The following GLDC variants were observed in gnomAD, a reference collection of about 807,000 sequenced individuals.
GLDC encodes the protein glycine decarboxylase.
In GLDC, 104 loss-of-function variants were observed where a neutral mutation model predicts 121.3. The ratio of observed to expected loss-of-function variants is 0.86; its 90% CI spans 0.73 to 1.01. The LOEUF (loss-of-function observed/expected upper bound fraction) is 1.01, where lower values mean the gene tolerates loss of function less well. Ranked by LOEUF, GLDC falls within the 50% of genes least tolerant of loss-of-function variation. The probability of loss-of-function intolerance (pLI) is 0.00; values close to 1 mark genes in which losing one functional copy is unlikely to be tolerated. For synonymous variants in GLDC, 546 were observed against 480.6 expected (o/e 1.14, Z -1.78); for missense variants, 1,429 against 1,306.6 (o/e 1.09, Z -1.44).
chr9:6,553,653 A>T, intron 19 of GLDC, 144 bp from the exon 20 acceptor site: 1 of 773,774 alleles, frequency 1.3e-6, no homozygotes, highest in East Asian at 2.6e-5. Flanking sequence ...TGGGAGGCAG[A>T]TGTTCAGGAA....
At chr9:6,572,569 G>A (rs1459028961) in intron 15 of GLDC, among the ~76,000 whole-genome samples, 1 of 152,120 alleles carries the variant, frequency 6.6e-6, no homozygotes, top group Non-Finnish European at 1.5e-5. Context: ...AATAAGACAT[G>A]GAGGTGTGAA....
chr9:6,592,369 T>C (rs1234119972), intron 10 of GLDC, 146 bp from the exon 11 acceptor site: 1 of 698,528 alleles, frequency 1.4e-6, no homozygotes, highest in Non-Finnish European at 2.6e-6. Context: ...ACGCTAAGGC[T>C]TAGAGGAAGG....
intron 2 of GLDC, among the ~76,000 whole-genome samples, chr9:6,644,050 A>AAAAAAACC (rs55988287): frequency 1.1e-5 from 1 of 92,700 alleles, no homozygotes; most frequent in Admixed American, 1.4e-4. Flanking sequence ...AAAAAAAAAA[A>AAAAAAACC]CGAAAAAAAA....
At chr9:6,644,838 C>G (rs72695596) in intron 1 of GLDC, 146 bp from the exon 2 acceptor site, 78 of 688,012 alleles carry the variant, frequency 1.1e-4, no homozygotes, top group Non-Finnish European at 1.8e-4. Context: ...TCTGAGCAAG[C>G]CAGAATGATT....
chr9:6,593,393 A>G (rs951164641), intron 9 of GLDC, among the ~76,000 whole-genome samples: 7 of 151,720 alleles, frequency 4.6e-5, no homozygotes, highest in African/African-American at 1.5e-4. Flanking sequence ...CCTGGGCTCA[A>G]GCTCATGCAA....
At chr9:6,591,091 C>G (rs1443418943) in intron 11 of GLDC, among the ~76,000 whole-genome samples, 1 of 152,158 alleles carries the variant, frequency 6.6e-6, no homozygotes, top group East Asian at 1.9e-4. Context: ...ACTGTCGGCT[C>G]TCTTTCACTC....
At chr9:6,557,374 T>A (rs1360740398) in intron 17 of GLDC, among the ~76,000 whole-genome samples, 1 of 152,100 alleles carries the variant, frequency 6.6e-6, no homozygotes, top group African/African-American at 2.4e-5. Flanking sequence ...GGCGGGCGGA[T>A]CATGAGGTCA....
intron 2 of GLDC, among the ~76,000 whole-genome samples, chr9:6,622,288 ACG>A (rs1458248835): frequency 3.8e-5 from 5 of 132,310 alleles, no homozygotes; most frequent in African/African-American, 1.4e-4. Context: ...CCCTCTTTCC[ACG>A]GGCCGAAGCT....
intron 15 of GLDC, among the ~76,000 whole-genome samples, chr9:6,568,514 C>T (rs1190259706): frequency 6.6e-6 from 1 of 152,112 alleles, no homozygotes; most frequent in East Asian, 1.9e-4. Context: ...CTCAGAAACA[C>T]CAAGTTTATG....
intron 16 of GLDC, 45 bp from the exon 17 acceptor site, chr9:6,558,729 G>C: frequency 3.7e-6 from 6 of 1,608,746 alleles, no homozygotes; most frequent in Non-Finnish European, 5.1e-6. Context: ...ATCATCATCA[G>C]ACTATGAATA....
chr9:6,644,678 C>G lies in GLDC; in HGVS notation c.270G>C (p.Leu90Phe), dbSNP rs747736821. The change falls in exon 2 of 25, where the codon TTG becomes TTC. Residue 90 changes from leucine to phenylalanine, a missense_variant. By Grantham distance (22) the Leu-to-Phe change is conservative (BLOSUM62 0). Coordinates refer to ENST00000321612, the MANE Select transcript of GLDC (RefSeq NM_000170.3). ...TGTTGGCAGGGACCGTCTTCTCGAT[C>G]AATTCATCAATGCTCTAAAATTAAA... ...QTLGLASIDE[L>F]IEKTVPANIR... 8.2e-5 allele frequency: 132 copies of G among 1,611,616 alleles called. No homozygotes were observed. Among genetic ancestry groups the G allele is most frequent in the Non-Finnish European group, 1.0e-4 (122 of 1,177,796 alleles).
intron 8 of GLDC, among the ~76,000 whole-genome samples, chr9:6,596,876 T>A (rs1191342632): frequency 6.6e-6 from 1 of 152,206 alleles, no homozygotes; most frequent in Non-Finnish European, 1.5e-5. Flanking sequence ...CCCAGCAATT[T>A]CACTGCTAGG....
In GLDC at chr9:6,588,293, T is replaced by C. The variant is rs559782703; in HGVS notation, c.1707+108A>G. ...AGGTAAAGAATTATTAAAATAGTTC[T>C]TCAATCACAGAATCACAGTCCCAGT... On this transcript the variant is annotated intron_variant, in intron 14 of 24. Coordinates refer to ENST00000321612, the MANE Select transcript of GLDC (RefSeq NM_000170.3). 8.1e-5 allele frequency: 67 copies of C among 829,078 alleles called. No homozygotes were observed. The African/African-American group carries it at 1.0e-3, about 13-fold the overall frequency. The allele number at this position is 829,078 out of a possible 1,614,324, so 51.4% of individuals were successfully genotyped here. A position where few individuals can be genotyped will look rare whatever the true frequency, so the allele number is the denominator to read the frequency against.
At chr9:6,633,821 C>CTTTTTTTTTTTT (rs1156711956) in intron 2 of GLDC, among the ~76,000 whole-genome samples, 4 of 89,460 alleles carry the variant, frequency 4.5e-5, no homozygotes, top group African/African-American at 2.0e-4. Context: ...GCAGGAGAAT[C>CTTTTTTTTTTTT]TTTTTTTTTT....
intron 15 of GLDC, among the ~76,000 whole-genome samples, chr9:6,583,037 G>T (rs1373833076): frequency 6.6e-6 from 1 of 152,120 alleles, no homozygotes; most frequent in Non-Finnish European, 1.5e-5. Flanking sequence ...TACCAGAATT[G>T]CTATTACTTG....
intron 11 of GLDC, 190 bp downstream of exon 11, chr9:6,591,953 G>A (rs1003080101): frequency 1.5e-5 from 9 of 609,674 alleles, no homozygotes; most frequent in Non-Finnish European, 2.7e-5. Flanking sequence ...GCATAATACT[G>A]GCTGGAGCCC....
At chr9:6,597,807 A>G (rs1818519785) in intron 8 of GLDC, among the ~76,000 whole-genome samples, 1 of 152,006 alleles carries the variant, frequency 6.6e-6, no homozygotes, top group South Asian at 2.1e-4. Flanking sequence ...ATGGTAGCAG[A>G]CACCTGTAGT....
At chr9:6,614,075 T>C (rs1818917652) in intron 3 of GLDC, among the ~76,000 whole-genome samples, 1 of 152,008 alleles carries the variant, frequency 6.6e-6, no homozygotes, top group South Asian at 2.1e-4. Context: ...TGTGTAATTA[T>C]CACGCCCACC....
intron 21 of GLDC, among the ~76,000 whole-genome samples, chr9:6,547,938 T>C (rs1400844165): frequency 1.3e-5 from 2 of 152,140 alleles, no homozygotes; most frequent in African/African-American, 4.8e-5. Context: ...AAGACCAACC[T>C]GGGCAACAGA....
Sources: allele counts gnomAD v4.1 joint callset (sites outside exome capture counted in the v4.1 genomes callset), GRCh38; gene constraint gnomAD v4.1.1; transcripts MANE v1.5; gene names NCBI Gene and HGNC (gene_info 2026-07-23, HGNC 2026-07-21).